Variants in MGAT5 observed in about 807,000 individuals in gnomAD.
MGAT5 encodes the protein alpha-1,6-mannosylglycoprotein 6-beta-N-acetylglucosaminyltransferase A.
Under a neutral mutation model 94.3 loss-of-function variants are expected in MGAT5, and 30 were observed. The observed-to-expected ratio is 0.32, with a 90% CI of 0.24 to 0.43. The LOEUF (loss-of-function observed/expected upper bound fraction) is 0.43, where lower values mean the gene tolerates loss of function less well. Ranked by LOEUF, MGAT5 falls within the 20% of genes least tolerant of loss-of-function variation. MGAT5 has a pLI of 1.00. For missense variants in MGAT5, 691 were observed against 905.5 expected (o/e 0.76, Z 3.04); for synonymous variants, 310 against 322.9 (o/e 0.96, Z 0.43).
chr2:134,243,770 C>T (rs1682090991), intron 1 of MGAT5, among the ~76,000 whole-genome samples: 1 of 152,104 alleles, frequency 6.6e-6, no homozygotes, highest in Non-Finnish European at 1.5e-5. Context: ...GGAGGACTGT[C>T]CCTTTTCTGC....
intron 1 of MGAT5, among the ~76,000 whole-genome samples, chr2:134,222,003 G>GCTAGA (rs1420798580): frequency 6.6e-6 from 1 of 152,162 alleles, no homozygotes; most frequent in Non-Finnish European, 1.5e-5. Flanking sequence ...GTCCCACGGT[G>GCTAGA]CTAGAAAGGC....
intron 1 of MGAT5, among the ~76,000 whole-genome samples, chr2:134,264,018 T>A (rs1558742840): frequency 9.9e-6 from 1 of 101,376 alleles, no homozygotes; most frequent in South Asian, 3.6e-4. Flanking sequence ...TGCCATTAGG[T>A]TTTTTTTTTT....
intron 10 of MGAT5, among the ~76,000 whole-genome samples, chr2:134,370,422 A>C (rs1479089683): frequency 6.6e-6 from 1 of 152,396 alleles, no homozygotes; most frequent in African/African-American, 2.4e-5. Flanking sequence ...AGTTAGAATC[A>C]GTTTTGTTGG....
At chr2:134,229,773 G>C (rs1232488420) in intron 1 of MGAT5, among the ~76,000 whole-genome samples, 7 of 152,100 alleles carry the variant, frequency 4.6e-5, no homozygotes, top group African/African-American at 1.7e-4. Context: ...ATAATATCTG[G>C]TAAGAGACCC....
chr2:134,400,714 G>A (rs965017194), intron 10 of MGAT5, among the ~76,000 whole-genome samples: 1 of 152,100 alleles, frequency 6.6e-6, no homozygotes, highest in Non-Finnish European at 1.5e-5. Context: ...ATAGCCTAGG[G>A]GCCTTTGGCC....
chr2:134,372,184 G>T (rs1680849764), intron 10 of MGAT5, among the ~76,000 whole-genome samples: 1 of 152,156 alleles, frequency 6.6e-6, no homozygotes, highest in Non-Finnish European at 1.5e-5. Flanking sequence ...TGTGGTATAT[G>T]GCTGCCATGT....
intron 14 of MGAT5, among the ~76,000 whole-genome samples, chr2:134,433,082 A>G (rs530764448): frequency 2.0e-5 from 3 of 152,324 alleles, no homozygotes; most frequent in South Asian, 2.1e-4. Context: ...CCTGTTAGCA[A>G]TCAATCCTTG....
chr2:134,297,725 C>T (rs1237197214), intron 2 of MGAT5, among the ~76,000 whole-genome samples: 1 of 152,056 alleles, frequency 6.6e-6, no homozygotes, highest in Non-Finnish European at 1.5e-5. Flanking sequence ...TACAGGTTAA[C>T]ATCATACTTA....
chr2:134,341,542 TTTGTA>T, intron 6 of MGAT5, 43 bp from the exon 7 acceptor site: 2 of 1,480,378 alleles, frequency 1.4e-6, no homozygotes, highest in Non-Finnish European at 1.8e-6. Context: ...TACTGTGCCT[TTTGTA>T]TGTGGTTCAG....
chr2:134,172,250 T>A (rs1020151227), intron 1 of MGAT5, among the ~76,000 whole-genome samples: 1 of 152,198 alleles, frequency 6.6e-6, no homozygotes, highest in East Asian at 1.9e-4. Flanking sequence ...CTGGAGCGTG[T>A]GACTCCTAAG....
intron 1 of MGAT5, among the ~76,000 whole-genome samples, chr2:134,176,091 G>T (rs1330292044): frequency 6.6e-6 from 1 of 152,194 alleles, no homozygotes; most frequent in Non-Finnish European, 1.5e-5. Flanking sequence ...TGGAGGGGCT[G>T]GGGAAGGTTA....
chr2:134,151,251 C>T (rs1407640864), intron 1 of MGAT5, among the ~76,000 whole-genome samples: 3 of 143,698 alleles, frequency 2.1e-5, no homozygotes, highest in Non-Finnish European at 3.0e-5. Context: ...CTATGGGAGC[C>T]GCCCACTGCC....
chr2:134,342,227 C>T (rs1688674292), intron 7 of MGAT5, among the ~76,000 whole-genome samples: 1 of 152,170 alleles, frequency 6.6e-6, no homozygotes, highest in Non-Finnish European at 1.5e-5. Flanking sequence ...CAACTTTCAG[C>T]TGAGTCTGTT....
chr2:134,429,841 A>C (rs1226375073), intron 14 of MGAT5, among the ~76,000 whole-genome samples: 1 of 152,218 alleles, frequency 6.6e-6, no homozygotes, highest in African/African-American at 2.4e-5. Context: ...CAGACACATC[A>C]TAATATAACA....
intron 1 of MGAT5, among the ~76,000 whole-genome samples, chr2:134,145,587 A>G (rs960260663): frequency 6.6e-6 from 1 of 152,220 alleles, no homozygotes; most frequent in Non-Finnish European, 1.5e-5. Flanking sequence ...GAGCCTTGAC[A>G]TTTGAACTGA....
At chr2:134,396,813 A>G (rs536716523) in intron 10 of MGAT5, among the ~76,000 whole-genome samples, 63 of 152,364 alleles carry the variant, frequency 4.1e-4, no homozygotes, top group African/African-American at 1.1e-3. Context: ...AGTTCCAGCC[A>G]TCTGGGAACA....
chr2:134,397,761 G>A lies in MGAT5; in HGVS notation c.1381-5227G>A, dbSNP rs956630370. 3.9e-5 allele frequency among the ~76,000 whole-genome samples: 6 copies of A among 152,262 alleles called. No homozygotes were observed. The East Asian group carries it at 5.8e-4, about 15-fold the overall frequency. ...AGGAGCGTGCCACTGTTGAGACAAC[G>A]AGCCCAGCCCAGACATTACGATAGC... On this transcript the variant is annotated intron_variant, in intron 10 of 15. Transcript: ENST00000281923.
chr2:134,214,647 T>A (rs12991179), intron 1 of MGAT5, among the ~76,000 whole-genome samples: 1 of 151,684 alleles, frequency 6.6e-6, no homozygotes, highest in African/African-American at 2.4e-5. Context: ...TAACAAAAGA[T>A]ACTCTTCTCA....
rs542588515 is a variant in MGAT5 at position 134,369,304 on chromosome 2, T to A, written c.1380+6896T>A. 3.9e-5 allele frequency among the ~76,000 whole-genome samples: 6 copies of A among 152,282 alleles called. No individual in the cohort carries two copies. In the East Asian group the frequency reaches 1.2e-3, roughly 29 times the overall value. On this transcript the variant is annotated intron_variant, in intron 10 of 15. Coordinates refer to ENST00000281923, the MANE Select transcript of MGAT5 (RefSeq NM_002410.5). ...GAGTCTGGTAGAAAAGGAACAGAGC[T>A]ACACATGCAAATTCTACAGACCACA... is the stretch of plus-strand genomic sequence containing the variant.
Sources: allele counts gnomAD v4.1 joint callset (sites outside exome capture counted in the v4.1 genomes callset), GRCh38; gene constraint gnomAD v4.1.1; transcripts MANE v1.5; gene names NCBI Gene and HGNC (gene_info 2026-07-23, HGNC 2026-07-21).